Variants in PIK3CA observed in about 807,000 individuals in gnomAD.
The protein encoded by PIK3CA is phosphatidylinositol-4,5-bisphosphate 3-kinase catalytic subunit alpha.
PIK3CA carries 27 observed loss-of-function variants against 138.2 expected under a neutral mutation model. That is an observed-to-expected ratio of 0.20 (90% CI 0.14 to 0.27). PIK3CA has a LOEUF of 0.27. PIK3CA is among the 10% of genes least tolerant of loss of function. The probability of loss-of-function intolerance (pLI) is 1.00; values close to 1 mark genes in which losing one functional copy is unlikely to be tolerated. For synonymous variants in PIK3CA, 358 were observed against 413.2 expected (o/e 0.87, Z 1.62); for missense variants, 544 against 1,277.4 (o/e 0.43, Z 8.75).
intron 1 of PIK3CA, among the ~76,000 whole-genome samples, chr3:179,166,169 C>T (rs1576916472): frequency 6.6e-6 from 1 of 152,178 alleles, no homozygotes; most frequent in South Asian, 2.1e-4. Flanking sequence ...TAATTAGTCC[C>T]ATTTTCAGTG....
chr3:179,160,967 C>A (rs961185329), intron 1 of PIK3CA, among the ~76,000 whole-genome samples: 7 of 152,100 alleles, frequency 4.6e-5, no homozygotes, highest in African/African-American at 1.7e-4. Context: ...AGGCAAATTA[C>A]TATTATGGTT....
chr3:179,203,164 TCTCCTGAC>T (rs1206767835), intron 4 of PIK3CA, among the ~76,000 whole-genome samples: 2 of 151,918 alleles, frequency 1.3e-5, no homozygotes, highest in Non-Finnish European at 2.9e-5. Flanking sequence ...ATGGTCTCGA[TCTCCTGAC>T]CTCGTGATCC....
chr3:179,203,015 A>G (rs1035847936), intron 4 of PIK3CA, among the ~76,000 whole-genome samples: 1 of 137,396 alleles, frequency 7.3e-6, no homozygotes, highest in African/African-American at 2.8e-5. Context: ...ATCTCGGCTC[A>G]CTGCAAGCTC....
intron 9 of PIK3CA, 131 bp downstream of exon 9, chr3:179,210,696 T>C (rs1724688719): frequency 7.4e-6 from 6 of 805,870 alleles, no homozygotes; most frequent in Non-Finnish European, 1.2e-5. Flanking sequence ...AATATTGCAA[T>C]AGAATTAAGT....
At chr3:179,163,283 AT>A (rs1420387741) in intron 1 of PIK3CA, among the ~76,000 whole-genome samples, 1 of 152,184 alleles carries the variant, frequency 6.6e-6, no homozygotes, top group African/African-American at 2.4e-5. Flanking sequence ...TTAAAAAGAC[AT>A]TTATGTGAAT....
chr3:179,157,976 T>G (rs545276252), intron 1 of PIK3CA, among the ~76,000 whole-genome samples: 2 of 152,244 alleles, frequency 1.3e-5, no homozygotes, highest in African/African-American at 4.8e-5. Context: ...TTTAGTAAAG[T>G]GTGTTGTACA....
rs869312613 is a variant in PIK3CA, at chr3:179,229,856, A to G, written c.2667-148A>G. The G allele has an allele frequency of 1.1e-4, 64 of 561,702 alleles. No individual in the cohort carries two copies. The highest frequency in any genetic ancestry group is 8.5e-4 in the African/African-American group (44 of 52,018). The allele number at this position is 561,702 out of a possible 1,614,324, so 34.8% of individuals were successfully genotyped here. A position where few individuals can be genotyped will look rare whatever the true frequency, so the allele number is the denominator to read the frequency against. The stretch of plus-strand genomic sequence containing the variant: ...CTTAGAAACCCATGAAAACTTCACA[A>G]TCTCAAAATCTTTGGACATAATTTC... On this transcript the variant is annotated intron_variant, in intron 18 of 20. Coordinates refer to ENST00000263967, the MANE Select transcript of PIK3CA (RefSeq NM_006218.4).
intron 17 of PIK3CA, 40 bp downstream of exon 17, chr3:179,226,080 C>T (rs776789113): frequency 9.1e-7 from 1 of 1,095,140 alleles, no homozygotes; most frequent in South Asian, 1.3e-5. Context: ...TGAAAGTTAT[C>T]CTGAAAAAGT....
chr3:179,215,181 C>T (rs1724809265), intron 9 of PIK3CA, among the ~76,000 whole-genome samples: 1 of 152,086 alleles, frequency 6.6e-6, no homozygotes, highest in Non-Finnish European at 1.5e-5. Flanking sequence ...CTCAGTAAGG[C>T]GTTTACCACT....
rs1045566010 is a variant in PIK3CA at position 179,220,594 on chromosome 3, C to G, written c.2016-392C>G. ...AAGTGTTAAAATTTAATAATGGAACCCAGAAGTTAAGTTGAAAACAAGAAG... is the reference window on the plus strand; with the variant it reads ...AAGTGTTAAAATTTAATAATGGAACGCAGAAGTTAAGTTGAAAACAAGAAG... On this transcript the variant is annotated intron_variant, in intron 13 of 20. Coordinates refer to ENST00000263967, the MANE Select transcript of PIK3CA (RefSeq NM_006218.4). This position sits in a 1 kb window ranked among gnomAD's most constrained non-coding sequence, Gnocchi z 4.1. Among the ~76,000 whole-genome samples, 1 of 151,818 alleles carries G rather than the reference C, an allele frequency of 6.6e-6. No homozygotes were observed. Among genetic ancestry groups the G allele is most frequent in the African/African-American group, 2.4e-5 (1 of 41,316 alleles).
intron 4 of PIK3CA, among the ~76,000 whole-genome samples, chr3:179,202,703 A>G (rs915820239): frequency 2.0e-5 from 3 of 152,196 alleles, no homozygotes; most frequent in African/African-American, 7.2e-5. Context: ...AGTATATTTT[A>G]ACATTTTTTG....
chr3:179,203,467 AGTCAT>A, intron 4 of PIK3CA, 72 bp from the exon 5 acceptor site: 1 of 1,361,574 alleles, frequency 7.3e-7, no homozygotes, highest in Non-Finnish European at 1.0e-6. Context: ...ATTAATATGT[AGTCAT>A]AATACTCTGA....
At chr3:179,195,421 A>T (rs951150958) in intron 1 of PIK3CA, among the ~76,000 whole-genome samples, 12 of 152,310 alleles carry the variant, frequency 7.9e-5, no homozygotes, top group Middle Eastern at 3.4e-3. Context: ...CTCTGTGCTT[A>T]CATATTTTTC....
intron 1 of PIK3CA, among the ~76,000 whole-genome samples, chr3:179,174,197 A>G (rs1723637371): frequency 6.6e-6 from 1 of 151,676 alleles, no homozygotes; most frequent in Non-Finnish European, 1.5e-5. Context: ...CAGGCCGAGC[A>G]TGGTGGCTCA....
chr3:179,176,915 A>G (rs1309751142), intron 1 of PIK3CA, among the ~76,000 whole-genome samples: 1 of 152,238 alleles, frequency 6.6e-6, no homozygotes, highest in Non-Finnish European at 1.5e-5. Context: ...GAAAGTTTAC[A>G]TTCCTACCAA....
intron 1 of PIK3CA, among the ~76,000 whole-genome samples, chr3:179,197,824 G>A (rs1260077837): frequency 6.6e-6 from 1 of 152,114 alleles, no homozygotes; most frequent in East Asian, 1.9e-4. Flanking sequence ...AAGTAAACTT[G>A]TGTTTTATGG....
intron 1 of PIK3CA, among the ~76,000 whole-genome samples, chr3:179,162,219 CAA>C (rs1723302604): frequency 6.6e-6 from 1 of 151,890 alleles, no homozygotes; most frequent in East Asian, 1.9e-4. Flanking sequence ...ATATATGTAT[CAA>C]AGAGAATACA....
chr3:179,154,093 AAAGTTTGT>A (rs1410342615), intron 1 of PIK3CA, among the ~76,000 whole-genome samples: 2 of 152,194 alleles, frequency 1.3e-5, no homozygotes, highest in East Asian at 1.9e-4. Context: ...ATTCCAATAA[AAAGTTTGT>A]AAGTTTGTAA....
At chr3:179,186,027 T>G (rs1723973831) in intron 1 of PIK3CA, among the ~76,000 whole-genome samples, 1 of 152,206 alleles carries the variant, frequency 6.6e-6, no homozygotes, top group South Asian at 2.1e-4. Flanking sequence ...GGGGTAGGAC[T>G]AAAAGCCCCA....
Sources: allele counts gnomAD v4.1 joint callset (sites outside exome capture counted in the v4.1 genomes callset), GRCh38; gene constraint gnomAD v4.1.1; non-coding constraint Gnocchi (gnomAD v3.1); transcripts MANE v1.5; gene names NCBI Gene and HGNC (gene_info 2026-07-23, HGNC 2026-07-21).